GAREM2: variants seen among roughly 807,000 people sequenced by gnomAD.
GAREM2 encodes GRB2-associated and regulator of MAPK protein 2.
Under a neutral mutation model 55.6 loss-of-function variants are expected in GAREM2, and 30 were observed. That is an observed-to-expected ratio of 0.54 (90% CI 0.40 to 0.73). GAREM2 has a LOEUF of 0.73. Among genes scored for constraint, GAREM2 ranks in the 30% least tolerant of loss-of-function variants. GAREM2 has a pLI of 0.00. For missense variants in GAREM2, 1,075 were observed against 1,257.7 expected (o/e 0.85, Z 2.20); for synonymous variants, 550 against 569.1 (o/e 0.97, Z 0.48).
chr2:26,185,103 G>T lies in GAREM2; in HGVS notation c.1255G>T (p.Glu419Ter). ...YVSPDWAAAP[E>*]PAAPPAEIPY... ...GAGCCCCGACTGGGCAGCCGCGCCC[G>T]AGCCCGCCGCGCCGCCCGCCGAGAT... The change falls in exon 4 of 6, where the codon GAG becomes TAG. Residue 419 changes from glutamate (E) to a stop codon, truncating the protein, a stop_gained. Coordinates refer to ENST00000401533, the MANE Select transcript of GAREM2 (RefSeq NM_001168241.2). LOFTEE classifies it high-confidence loss of function. The T allele has an allele frequency of 7.0e-7, 1 of 1,436,992 alleles. No homozygotes were observed. Among genetic ancestry groups the T allele is most frequent in the Non-Finnish European group, 9.1e-7 (1 of 1,102,958 alleles). 89.0% of individuals were successfully genotyped at this position (1,436,992 alleles called of 1,614,324 possible). A position where few individuals can be genotyped will look rare whatever the true frequency, so the allele number is the denominator to read the frequency against.
chr2:26,193,803 G>A (rs1336906967), downstream of GAREM2: 4 of 1,585,706 alleles, frequency 2.5e-6, no homozygotes, highest in Non-Finnish European at 3.5e-6. Context: ...GGACCTCAGG[G>A]GAAGGGCAGC....
the GAREM2 span, chr2:26,204,154 G>A: frequency 6.2e-6 from 10 of 1,613,262 alleles, no homozygotes; most frequent in South Asian, 1.1e-5. Flanking sequence ...AGACTTGGGC[G>A]ATGCCTGCTC....
chr2:26,204,095 G>A, the GAREM2 span: 16 of 1,613,562 alleles, frequency 9.9e-6, no homozygotes, highest in East Asian at 1.8e-4. Flanking sequence ...TCGGTCTAGC[G>A]CAGTGAGGGT....
chr2:26,175,789 C>G (rs1046716653), intron 1 of GAREM2, among the ~76,000 whole-genome samples: 22 of 152,188 alleles, frequency 1.4e-4, no homozygotes, highest in Non-Finnish European at 8.8e-5. Flanking sequence ...GGGACAGTCC[C>G]GTCCGGGCCC....
Position 26,187,814 on chromosome 2 carries a change from C to T in GAREM2, c.2182C>T (p.Pro728Ser), listed in dbSNP as rs1454982535. The change falls in exon 6 of 6, where the codon CCT (proline) becomes TCT (serine). Residue 728 changes from proline (P) to serine (S), a missense_variant. This residue lies in a region of GAREM2 where 15 missense variants were observed against 31.0 expected (regional missense o/e 0.48). Transcript: ENST00000401533. ...TCAGGAGCCCAGAGCAGTGGGGACA[C>T]CTGGGCCTGGACCCCGCCTTTCACC... ...RSQEPRAVGT[P>S]GPGPRLSPLG... is the part of the protein sequence containing the mutation. The T allele has an allele frequency of 2.8e-6, 4 of 1,441,886 alleles. No homozygotes were observed. In the Admixed American group the frequency reaches 1.2e-4, roughly 42 times the overall value. The allele number at this position is 1,441,886 out of a possible 1,614,324, so 89.3% of individuals were successfully genotyped here. A position where few individuals can be genotyped will look rare whatever the true frequency, so the allele number is the denominator to read the frequency against.
At chr2:26,203,989 A>C in the GAREM2 span, 1 of 1,457,350 alleles carries the variant, frequency 6.9e-7, no homozygotes, top group Non-Finnish European at 9.6e-7. Context: ...AAACCCACCA[A>C]GCCACCACAA....
intron 1 of GAREM2, 95 bp from the exon 2 acceptor site, chr2:26,176,249 G>C: frequency 8.2e-7 from 1 of 1,219,774 alleles, no homozygotes; most frequent in Non-Finnish European, 1.1e-6. Context: ...CCTCAGGGGG[G>C]CGGTCTTGGT....
At chr2:26,200,548 TA>T in the GAREM2 span, among the ~76,000 whole-genome samples, 2 of 152,204 alleles carry the variant, frequency 1.3e-5, no homozygotes, top group Admixed American at 6.5e-5. Flanking sequence ...GGCTTTCGGC[TA>T]ACCAAAAAAT....
intron 4 of GAREM2, 107 bp from the exon 5 acceptor site, chr2:26,186,082 G>A: frequency 8.7e-7 from 1 of 1,146,278 alleles, no homozygotes; most frequent in Non-Finnish European, 1.2e-6. Flanking sequence ...GCAAAGTGGG[G>A]CAAATGTCAG....
chr2:26,185,985 T>TG (rs1311328185), intron 4 of GAREM2, among the ~76,000 whole-genome samples: 1 of 152,002 alleles, frequency 6.6e-6, no homozygotes, highest in Non-Finnish European at 1.5e-5. Context: ...GGACAGGGTG[T>TG]GGGTGCGTGA....
At chr2:26,195,658 T>G in the GAREM2 span, among the ~76,000 whole-genome samples, 1 of 152,286 alleles carries the variant, frequency 6.6e-6, no homozygotes, top group African/African-American at 2.4e-5. Context: ...ATTTGCATTT[T>G]ACACAGATGG....
downstream of GAREM2, among the ~76,000 whole-genome samples, chr2:26,190,124 G>A (rs1361118604): frequency 6.6e-6 from 1 of 152,194 alleles, no homozygotes; most frequent in Non-Finnish European, 1.5e-5. Context: ...TGGCTTCCTA[G>A]TGACCAAGCA....
At position 26,184,253 on chromosome 2, in the gene GAREM2, C is replaced by T. The variant is rs1462261069; in HGVS notation, c.405C>T (p.Ser135=). The change falls in exon 4 of 6, where the codon AGC becomes AGT. Residue 135 remains serine, a synonymous_variant. Transcript: ENST00000401533. ...FSVKVVSGEF[S]EDSEVYNFTL... ...CCCAGGTGGTGTCGGGCGAGTTCAG[C>T]GAGGACAGCGAGGTGTACAACTTCA... 6.5e-7 allele frequency: 1 copy of T among 1,550,292 alleles called. No individual in the cohort carries two copies. The highest frequency in any genetic ancestry group is 2.0e-5 in the Admixed American group (1 of 50,970).
At chr2:26,192,234 ATGG>A, downstream of GAREM2, 1 of 779,398 alleles carries the variant, frequency 1.3e-6, no homozygotes, top group South Asian at 1.5e-5. Context: ...AAAAAAAAAA[ATGG>A]AAGAGGGGCT....
intron 3 of GAREM2, 118 bp downstream of exon 3, chr2:26,183,215 C>A (rs1669111871): frequency 8.8e-7 from 1 of 1,131,288 alleles, no homozygotes; most frequent in Non-Finnish European, 1.3e-6. Context: ...CTCCTGGGGA[C>A]CCCTTAGGGG....
chr2:26,191,038 T>C (rs181602707), downstream of GAREM2: 30 of 637,204 alleles, frequency 4.7e-5, no homozygotes, highest in African/African-American at 4.1e-4. Flanking sequence ...CAGTGGGCTC[T>C]ACCTTCCAAC....
At chr2:26,201,094 C>G in the GAREM2 span, 4 of 1,341,212 alleles carry the variant, frequency 3.0e-6, no homozygotes, top group Admixed American at 5.1e-5. Flanking sequence ...AAAAAAAAAT[C>G]TCTGTGTTTT....
At chr2:26,195,306 G>C in the GAREM2 span, 1 of 1,244,214 alleles carries the variant, frequency 8.0e-7, no homozygotes, top group Non-Finnish European at 1.2e-6. Context: ...TTCTCTGCTA[G>C]GAAAACACTA....
At chr2:26,201,759 A>G in the GAREM2 span, among the ~76,000 whole-genome samples, 3 of 152,130 alleles carry the variant, frequency 2.0e-5, no homozygotes, top group Non-Finnish European at 4.4e-5. Context: ...TCGCAAATAT[A>G]TAATTTTATG....
Sources: allele counts gnomAD v4.1 joint callset (sites outside exome capture counted in the v4.1 genomes callset), GRCh38; gene constraint gnomAD v4.1.1; regional missense constraint gnomAD v4.1.1; transcripts MANE v1.5; gene names NCBI Gene and HGNC (gene_info 2026-07-23, HGNC 2026-07-21).